Variants in KL observed in about 807,000 individuals in gnomAD.
KL encodes the protein klotho.
Under a neutral mutation model 84.2 loss-of-function variants are expected in KL, and 62 were observed. The observed-to-expected ratio is 0.74, with a 90% CI of 0.60 to 0.91. The LOEUF (loss-of-function observed/expected upper bound fraction) is 0.91, where lower values mean the gene tolerates loss of function less well. KL is among the 40% of genes least tolerant of loss of function. The probability of loss-of-function intolerance (pLI) is 0.00; values close to 1 mark genes in which losing one functional copy is unlikely to be tolerated. For synonymous variants in KL, 528 were observed against 528.0 expected (o/e 1.00, Z 0.00); for missense variants, 1,261 against 1,305.7 (o/e 0.97, Z 0.53).
intron 1 of KL, among the ~76,000 whole-genome samples, chr13:33,048,057 T>C (rs1566505633): frequency 6.6e-6 from 1 of 152,200 alleles, no homozygotes; most frequent in Non-Finnish European, 1.5e-5. Context: ...ATATTTATAA[T>C]AGCTATTTTA....
At chr13:33,021,073 C>A (rs754331114) in intron 1 of KL, among the ~76,000 whole-genome samples, 9 of 152,194 alleles carry the variant, frequency 5.9e-5, no homozygotes, top group Non-Finnish European at 1.3e-4. Context: ...CTGGGGTAAT[C>A]CTGTTCCCTT....
rs76945057 is a variant in KL at position 33,026,120 on chromosome 13, G to T, written c.819+8861G>T. Among the ~76,000 whole-genome samples the T allele has an allele frequency of 9.2e-5, 14 of 152,246 alleles. No homozygotes were observed. The South Asian group carries it at 2.1e-3, about 23-fold the overall frequency. Reference sequence around the variant, plus strand: ...TTCTGTATGAATAAGTATGTAAAAAGTATGTAAAGATTACTGTATAGTTCA... The same window carrying T: ...TTCTGTATGAATAAGTATGTAAAAATTATGTAAAGATTACTGTATAGTTCA... On this transcript the variant is annotated intron_variant, in intron 1 of 4. Transcript: ENST00000380099.
chr13:33,061,500 C>A lies in KL; in HGVS notation c.2421C>A (p.Ser807Arg). 6.2e-7 allele frequency: 1 copy of A among 1,614,120 alleles called. No individual in the cohort carries two copies. The highest frequency in any genetic ancestry group is 8.5e-7 in the Non-Finnish European group (1 of 1,180,014). ...IQGTFDFLAL[S>R]HYTTILVDSE... The stretch of plus-strand genomic sequence containing the variant: ...GTACCTTTGACTTTTTGGCTTTAAG[C>A]CATTATACCACCATCCTTGTAGACT... The change falls in exon 4 of 5, where the codon AGC becomes AGA. Residue 807 changes from serine (S) to arginine (R), a missense_variant. Transcript: ENST00000380099.
Position 33,044,714 on chromosome 13 carries a change from G to A in KL, c.820-9053G>A, listed in dbSNP as rs911809116. Among the ~76,000 whole-genome samples the A allele has an allele frequency of 2.9e-5, 4 of 137,020 alleles. No individual in the cohort carries two copies. The East Asian group carries it at 8.9e-4, about 31-fold the overall frequency. The allele number at this position is 137,020 out of a possible 152,430, so 89.9% of individuals were successfully genotyped here. ...CACCCAGGCTGGAGTGCAGTGGCGT[G>A]ATCAGCACTCACTGCAGACTTGAAC... On this transcript the variant is annotated intron_variant, in intron 1 of 4. Transcript: ENST00000380099.
chr13:33,044,173 C>T (rs1684539766), intron 1 of KL, among the ~76,000 whole-genome samples: 1 of 152,136 alleles, frequency 6.6e-6, no homozygotes, highest in South Asian at 2.1e-4. Context: ...CTGTTCTGCT[C>T]CTTTGATGTA....
rs1870339538 is a variant in KL, at chr13:33,016,571, G to C, written c.131G>C (p.Arg44Pro). The change falls in exon 1 of 5, where the codon CGT becomes CCT. Residue 44 changes from arginine to proline, a missense_variant. Coordinates refer to ENST00000380099, the MANE Select transcript of KL (RefSeq NM_004795.4). ...GGCGACGGCGCGCAGACCTGGGCCC[G>C]TTTCTCGCGGCCTCCTGCCCCCGAG... ...EPGDGAQTWA[R>P]FSRPPAPEAA... The C allele has an allele frequency of 2.7e-6, 4 of 1,479,024 alleles. No individual in the cohort carries two copies. In the African/African-American group the frequency reaches 4.3e-5, roughly 16 times the overall value. The allele number at this position is 1,479,024 out of a possible 1,614,324, so 91.6% of individuals were successfully genotyped here.
chr13:33,043,649 C>G (rs567170), intron 1 of KL, among the ~76,000 whole-genome samples: 48,658 of 152,012 alleles, frequency 0.32, 9,110 homozygotes, highest in Admixed American at 0.45. Context: ...GGTGAAGATT[C>G]TCTTGTGAAA....
chr13:33,025,638 C>T (rs934288120), intron 1 of KL, among the ~76,000 whole-genome samples: 2 of 152,204 alleles, frequency 1.3e-5, no homozygotes, highest in African/African-American at 4.8e-5. Context: ...CAAGGCCTCT[C>T]TTAACATTTG....
chr13:33,059,584 C>A (rs937744196), intron 3 of KL, among the ~76,000 whole-genome samples: 1 of 151,990 alleles, frequency 6.6e-6, no homozygotes, highest in Admixed American at 6.5e-5. Context: ...GTGATTCTCC[C>A]GCCTCAGCTT....
At position 33,061,175 on chromosome 13, in the gene KL, C is replaced by G; in HGVS notation, c.2096C>G (p.Ala699Gly). ...TATACAAGGAATATGACATACAGTG[C>G]TGGCCACAACCTTCTGAAGGCCCAT... ...EPYTRNMTYS[A>G]GHNLLKAHAL... The change falls in exon 4 of 5, where the codon GCT becomes GGT. Residue 699 changes from alanine to glycine, a missense_variant. Transcript: ENST00000380099. 6.2e-7 allele frequency: 1 copy of G among 1,614,252 alleles called. No individual in the cohort carries two copies. The highest frequency in any genetic ancestry group is 8.5e-7 in the Non-Finnish European group (1 of 1,180,046).
intron 4 of KL, among the ~76,000 whole-genome samples, chr13:33,063,034 C>T (rs187562021): frequency 1.3e-5 from 2 of 151,976 alleles, no homozygotes; most frequent in East Asian, 3.9e-4. Flanking sequence ...AGTTTTGGGC[C>T]CTCTGACGTC....
chr13:33,020,618 C>T (rs1435325901), intron 1 of KL, among the ~76,000 whole-genome samples: 1 of 152,134 alleles, frequency 6.6e-6, no homozygotes, highest in African/African-American at 2.4e-5. Context: ...TTGTTGGACC[C>T]CGAATCTTAA....
At chr13:33,023,247 T>C (rs1870638887) in intron 1 of KL, among the ~76,000 whole-genome samples, 1 of 152,196 alleles carries the variant, frequency 6.6e-6, no homozygotes, top group South Asian at 2.1e-4. Context: ...CAGCAGGCTC[T>C]ACCACATTGC....
intron 1 of KL, among the ~76,000 whole-genome samples, chr13:33,033,961 AC>A (rs1386195476): frequency 6.6e-6 from 1 of 152,090 alleles, no homozygotes; most frequent in African/African-American, 2.4e-5. Context: ...ATGAACACAC[AC>A]CCTCAGATTG....
chr13:33,016,675 G>A lies in KL; in HGVS notation c.235G>A (p.Gly79Ser). The A allele has an allele frequency of 6.3e-7, 1 of 1,596,878 alleles. No individual in the cohort carries two copies. Among genetic ancestry groups the A allele is most frequent in the Non-Finnish European group, 8.5e-7 (1 of 1,172,210 alleles). Residue 79 changes from glycine to serine, a missense_variant, in exon 1 of 5, where the codon GGC (glycine) becomes AGC (serine). Coordinates refer to ENST00000380099, the MANE Select transcript of KL (RefSeq NM_004795.4). The stretch of plus-strand genomic sequence containing the variant: ...CAGCGCCGCCTACCAGACCGAGGGC[G>A]GCTGGCAGCAGCACGGCAAGGGTGC... Reference protein sequence around the residue: ...VGSAAYQTEGGWQQHGKGASI... With the variant: ...VGSAAYQTEGSWQQHGKGASI...
chr13:33,047,281 A>G (rs1871570985), intron 1 of KL, among the ~76,000 whole-genome samples: 3 of 151,794 alleles, frequency 2.0e-5, no homozygotes, highest in Admixed American at 1.3e-4. Context: ...TTTCTTTTAC[A>G]TGATCACTTT....
rs1326580595 is a variant in KL at position 33,017,190 on chromosome 13, C to T, written c.750C>T (p.Thr250=). Residue 250 remains threonine, a synonymous_variant, in exon 1 of 5, where the codon ACC becomes ACT. Coordinates refer to ENST00000380099, the MANE Select transcript of KL (RefSeq NM_004795.4). Reference sequence around the variant, plus strand: ...TGGTGGCCTGGCACGGCTACGCCACCGGGCGCCTGGCCCCCGGCATCCGGG... The same window carrying T: ...TGGTGGCCTGGCACGGCTACGCCACTGGGCGCCTGGCCCCCGGCATCCGGG... ...PYVVAWHGYA[T]GRLAPGIRGS... 1.9e-6 allele frequency: 3 copies of T among 1,598,206 alleles called. No individual in the cohort carries two copies. Among genetic ancestry groups the T allele is most frequent in the South Asian group, 2.2e-5 (2 of 90,860 alleles).
At chr13:33,036,722 T>C in intron 1 of KL, among the ~76,000 whole-genome samples, 1 of 152,240 alleles carries the variant, frequency 6.6e-6, no homozygotes, top group Non-Finnish European at 1.5e-5. Flanking sequence ...TTACCTTATT[T>C]ATGTTTACTA....
Position 33,064,765 on chromosome 13 carries a change from A to G in KL, c.*579A>G, listed in dbSNP as rs1872346960. The G allele has an allele frequency of 1.3e-5, 3 of 224,708 alleles. No homozygotes were observed. Among genetic ancestry groups the G allele is most frequent in the Middle Eastern group, 2.7e-3 (2 of 728 alleles). 13.9% of individuals were successfully genotyped at this position (224,708 alleles called of 1,614,324 possible). A position where few individuals can be genotyped will look rare whatever the true frequency, so the allele number is the denominator to read the frequency against. On this transcript the variant is annotated 3_prime_UTR_variant, in exon 5 of 5. Coordinates refer to ENST00000380099, the MANE Select transcript of KL (RefSeq NM_004795.4). ...TTCTATCAAATACTAGTATTAATTT[A>G]TGTATCTGGTTAATGACATACTTGG...
Sources: allele counts gnomAD v4.1 joint callset (sites outside exome capture counted in the v4.1 genomes callset), GRCh38; gene constraint gnomAD v4.1.1; transcripts MANE v1.5; gene names NCBI Gene and HGNC (gene_info 2026-07-23, HGNC 2026-07-21).